PPARD: variants seen among roughly 807,000 people sequenced by gnomAD.
PPARD encodes the protein peroxisome proliferator-activated receptor delta.
In PPARD, 6 loss-of-function variants were observed where a neutral mutation model predicts 39.5. That is an observed-to-expected ratio of 0.15 (90% CI 0.08 to 0.30). PPARD has a LOEUF of 0.30. PPARD is among the 10% of genes least tolerant of loss of function. The pLI is 1.00. For synonymous variants in PPARD, 210 were observed against 231.3 expected (o/e 0.91, Z 0.83); for missense variants, 397 against 596.8 (o/e 0.67, Z 3.49).
rs1199285764 is a variant in PPARD at position 35,401,367 on chromosome 6, C to CCTTCAGTCTGTTCTCAT, written c.-101-9604_-101-9588dup. Among the ~76,000 whole-genome samples, 1 of 152,192 alleles carries CCTTCAGTCTGTTCTCAT rather than the reference C, an allele frequency of 6.6e-6. No homozygotes were observed. Among genetic ancestry groups the CCTTCAGTCTGTTCTCAT allele is most frequent in the Non-Finnish European group, 1.5e-5 (1 of 68,036 alleles). Reference sequence around the variant, plus strand: ...TGAAATCATCTTCAGTCTGTTATCACCTTCAGTCTGTTCTCATCTTCAGTC... The same window carrying CCTTCAGTCTGTTCTCAT: ...TGAAATCATCTTCAGTCTGTTATCACCTTCAGTCTGTTCTCATCTTCAGTCTGTTCTCATCTTCAGTC... On this transcript the variant is annotated intron_variant, in intron 2 of 7. Coordinates refer to ENST00000360694, the MANE Select transcript of PPARD (RefSeq NM_006238.5). This position sits in a 1 kb window ranked among gnomAD's most constrained non-coding sequence, Gnocchi z 4.1.
intron 3 of PPARD, among the ~76,000 whole-genome samples, chr6:35,414,460 G>A (rs557220602): frequency 2.3e-4 from 35 of 152,246 alleles, no homozygotes; most frequent in African/African-American, 7.5e-4. Flanking sequence ...AAAGGGGGGT[G>A]AGGATCTGGC....
Position 35,426,557 on chromosome 6 carries a change from A to C in PPARD, c.*478A>C. 1 of 180,384 alleles carries C rather than the reference A, an allele frequency of 5.5e-6. No homozygotes were observed. The highest frequency in any genetic ancestry group is 1.6e-4 in the East Asian group (1 of 6,106). 11.2% of individuals were successfully genotyped at this position (180,384 alleles called of 1,614,324 possible). On this transcript the variant is annotated 3_prime_UTR_variant, in exon 8 of 8. Coordinates refer to ENST00000360694, the MANE Select transcript of PPARD (RefSeq NM_006238.5). ...ATTGCACCTGCAGGCTTAGGTCCTC[A>C]CTTCTGTCTCCTGTCTTCAGAGCAA...
intron 2 of PPARD, among the ~76,000 whole-genome samples, chr6:35,361,069 G>C (rs577932528): frequency 6.6e-6 from 1 of 152,344 alleles, no homozygotes; most frequent in African/African-American, 2.4e-5. Context: ...GCTTCTCAGA[G>C]GGGGATGAGC....
rs1407186754 is a variant in PPARD, at chr6:35,355,791, T to C, written c.-102+8641T>C. On this transcript the variant is annotated intron_variant, in intron 2 of 7. Transcript: ENST00000360694. ...CACTCCTGGCTAATTTTTTGTATTT[T>C]TGGTAGAGACAGGGTTTCACGGTGT... 4.0e-5 allele frequency among the ~76,000 whole-genome samples: 6 copies of C among 151,504 alleles called. No homozygotes were observed. The East Asian group carries it at 1.2e-3, about 30-fold the overall frequency.
intron 2 of PPARD, among the ~76,000 whole-genome samples, chr6:35,400,446 G>T (rs1764630371): frequency 6.6e-6 from 1 of 152,220 alleles, no homozygotes; most frequent in African/African-American, 2.4e-5. Flanking sequence ...AGAGTCTCAT[G>T]CTCTACCAAC....
intron 2 of PPARD, among the ~76,000 whole-genome samples, chr6:35,397,013 C>T (rs1764367372): frequency 6.6e-6 from 1 of 152,118 alleles, no homozygotes; most frequent in Non-Finnish European, 1.5e-5. Context: ...GACCTTGAAC[C>T]TTCCCTGAGG....
chr6:35,367,508 G>T (rs1442363574), intron 2 of PPARD, among the ~76,000 whole-genome samples: 3 of 152,060 alleles, frequency 2.0e-5, no homozygotes, highest in African/African-American at 7.2e-5. Context: ...GGAAACTAAG[G>T]CTCAGAAAAA....
intron 2 of PPARD, among the ~76,000 whole-genome samples, chr6:35,349,524 C>T (rs6457813): frequency 0.07 from 10,618 of 152,082 alleles, 777 homozygotes; most frequent in African/African-American, 0.19. Flanking sequence ...TACGTATTTG[C>T]GTTGGGATGC....
intron 2 of PPARD, among the ~76,000 whole-genome samples, chr6:35,383,893 T>C (rs1763336357): frequency 7.1e-6 from 1 of 140,360 alleles, no homozygotes; most frequent in Admixed American, 6.8e-5. Context: ...GTCTGGGAAG[T>C]GAGGAGCGTC....
intron 2 of PPARD, among the ~76,000 whole-genome samples, chr6:35,375,294 C>T (rs1025571675): frequency 1.6e-4 from 23 of 139,770 alleles, no homozygotes; most frequent in African/African-American, 5.3e-4. Context: ...CTCAGCTCAG[C>T]GCAACCTCTG....
At chr6:35,384,722 G>A (rs1429051279) in intron 2 of PPARD, among the ~76,000 whole-genome samples, 1 of 88,254 alleles carries the variant, frequency 1.1e-5, no homozygotes, top group Non-Finnish European at 2.0e-5. Flanking sequence ...GCCTCTGCCC[G>A]GCCGCCCCTA....
intron 4 of PPARD, among the ~76,000 whole-genome samples, chr6:35,421,160 A>C (rs1766134088): frequency 6.6e-6 from 1 of 151,810 alleles, no homozygotes; most frequent in Non-Finnish European, 1.5e-5. Flanking sequence ...ACGGGGTTTC[A>C]CCATGTTGGC....
chr6:35,375,395 T>C (rs775748369), intron 2 of PPARD, among the ~76,000 whole-genome samples: 2 of 152,056 alleles, frequency 1.3e-5, no homozygotes, highest in Non-Finnish European at 2.9e-5. Context: ...TTTGTATTTT[T>C]AGTAGAGACA....
rs888291622 is a variant in PPARD, at chr6:35,426,967, G to C, written c.*888G>C. 1.3e-5 allele frequency: 2 copies of C among 152,480 alleles called. No individual in the cohort carries two copies. Among genetic ancestry groups the C allele is most frequent in the Admixed American group, 6.5e-5 (1 of 15,288 alleles). 9.4% of individuals were successfully genotyped at this position (152,480 alleles called of 1,614,324 possible). On this transcript the variant is annotated 3_prime_UTR_variant, in exon 8 of 8. Transcript: ENST00000360694. ...TGGGCCCCCACCTCACTGAAGAGGA[G>C]CAAGTCTCAAGAGAAGGAGGGGGGA... is the stretch of plus-strand genomic sequence containing the variant.
intron 2 of PPARD, among the ~76,000 whole-genome samples, chr6:35,372,707 A>G (rs893448100): frequency 2.0e-5 from 3 of 152,196 alleles, no homozygotes; most frequent in Admixed American, 6.5e-5. Flanking sequence ...GGCATGTGGA[A>G]TTATGCCTAT....
chr6:35,384,092 C>A (rs1581591316), intron 2 of PPARD, among the ~76,000 whole-genome samples: 1 of 139,914 alleles, frequency 7.1e-6, no homozygotes, highest in Non-Finnish European at 1.5e-5. Context: ...GAGGTCGGGG[C>A]GTCAGCCTCC....
At chr6:35,384,961 T>TG (rs1366216615) in intron 2 of PPARD, among the ~76,000 whole-genome samples, 16 of 96,862 alleles carry the variant, frequency 1.7e-4, no homozygotes, top group African/African-American at 2.3e-4. Context: ...GGGAGGGAGG[T>TG]GGGGGGGTCA....
chr6:35,347,747 T>G (rs2150416647), intron 2 of PPARD, among the ~76,000 whole-genome samples: 1 of 151,892 alleles, frequency 6.6e-6, no homozygotes, highest in Non-Finnish European at 1.5e-5. Flanking sequence ...TAGCTGGGAT[T>G]ATAGGCACCT....
At chr6:35,385,100 C>T (rs1165403127) in intron 2 of PPARD, among the ~76,000 whole-genome samples, 1 of 146,168 alleles carries the variant, frequency 6.8e-6, no homozygotes, top group African/African-American at 2.7e-5. Context: ...AAGTGAGGAG[C>T]CCCTCTGCCC....
Sources: gnomAD v4.1 joint callset for allele counts (sites outside exome capture counted in the v4.1 genomes callset) on GRCh38, gnomAD v4.1.1 for gene constraint, Gnocchi (gnomAD v3.1) non-coding constraint, MANE v1.5 for transcripts, NCBI Gene and HGNC (gene_info 2026-07-23, HGNC 2026-07-21) for gene names.